Variants in SLC6A9 observed in about 807,000 individuals in gnomAD.
The protein encoded by SLC6A9 is sodium- and chloride-dependent glycine transporter 1.
A neutral mutation model predicts 70.9 loss-of-function variants in SLC6A9; 31 were observed. The observed-to-expected ratio is 0.44, with a 90% confidence interval of 0.33 to 0.59. The LOEUF is 0.59. SLC6A9 is among the 20% of genes least tolerant of loss of function. The pLI, the probability that SLC6A9 is intolerant of heterozygous loss-of-function variation, is 0.04. For synonymous variants in SLC6A9, 310 were observed against 341.3 expected (o/e 0.91, Z 1.01); for missense variants, 631 against 845.2 (o/e 0.75, Z 3.14).
At position 44,000,819 on chromosome 1, in the gene SLC6A9, G is replaced by T. The variant is rs201011459; in HGVS notation, c.1484C>A (p.Pro495Gln). 6.8e-6 allele frequency: 11 copies of T among 1,612,310 alleles called. No homozygotes were observed. Among genetic ancestry groups the T allele is most frequent in the Non-Finnish European group, 9.3e-6 (11 of 1,179,172 alleles). ...QDIQMMLGFP[P>Q]PLFFQICWRF... ...CCAGCAGATCTGAAAGAAGAGGGGT[G>T]GTGGGAATCCCAGCATCATCTGGAT... Residue 495 changes from proline (P) to glutamine (Q), a missense_variant, in exon 12 of 14, where the codon CCA becomes CAA. By Grantham distance (76) the Pro-to-Gln change is moderately conservative. Transcript: ENST00000372310.
At chr1:44,009,762 C>T (rs1025723373) in intron 4 of SLC6A9, among the ~76,000 whole-genome samples, 12 of 152,156 alleles carry the variant, frequency 7.9e-5, no homozygotes, top group African/African-American at 2.2e-4. Flanking sequence ...TGTGTGTACA[C>T]GTGGTAGGAG....
At position 43,996,990 on chromosome 1, in the gene SLC6A9, A is replaced by C. The variant is rs2085886033; in HGVS notation, c.*555T>G. The C allele has an allele frequency of 6.5e-6, 1 of 154,906 alleles. No individual in the cohort carries two copies. The highest frequency in any genetic ancestry group is 6.5e-5 in the Admixed American group (1 of 15,296). 9.6% of individuals were successfully genotyped at this position (154,906 alleles called of 1,614,324 possible). ...AGGCCTGGAAGACAGACTGAACCCG[A>C]GGCTGGGGGCGAGGAGGTGGCGACC... On this transcript the variant is annotated 3_prime_UTR_variant, in exon 14 of 14. Coordinates refer to ENST00000372310, the MANE Select transcript of SLC6A9 (RefSeq NM_001024845.3).
chr1:44,026,167 C>T (rs2086979736), intron 1 of SLC6A9, among the ~76,000 whole-genome samples: 1 of 152,248 alleles, frequency 6.6e-6, no homozygotes, highest in African/African-American at 2.4e-5. Flanking sequence ...GGTTCCTGCT[C>T]ATGGCTTTGG....
intron 2 of SLC6A9, among the ~76,000 whole-genome samples, chr1:44,011,288 G>A (rs965414176): frequency 3.3e-5 from 5 of 152,208 alleles, no homozygotes; most frequent in Admixed American, 2.0e-4. Flanking sequence ...GCACAAAGGG[G>A]CCTGTGTCCA....
rs568647726 is a variant in SLC6A9 at position 44,023,838 on chromosome 1, A to T, written c.30+410T>A. ...GGCCTCAGGAGAGGATTCAAAACAAAATGTTCTTTGTTACTTTTCAGACTG... is the reference window on the plus strand; with the variant it reads ...GGCCTCAGGAGAGGATTCAAAACAATATGTTCTTTGTTACTTTTCAGACTG... On this transcript the variant is annotated intron_variant, in intron 2 of 13. Transcript: ENST00000372310. 3.3e-5 allele frequency among the ~76,000 whole-genome samples: 5 copies of T among 152,112 alleles called. No individual in the cohort carries two copies. In the South Asian group the frequency reaches 1.0e-3, roughly 32 times the overall value.
In SLC6A9 at chr1:44,031,345, C is replaced by T. The variant is rs1487073878; in HGVS notation, c.-125G>A. The stretch of plus-strand genomic sequence containing the variant: ...CGGCCCAGGCGTGCTGGGTCCGCAC[C>T]GCGGTGCGCCCAGGTGGCTTTCTTA... On this transcript the variant is annotated 5_prime_UTR_variant, in exon 1 of 14. Coordinates refer to ENST00000372310, the MANE Select transcript of SLC6A9 (RefSeq NM_001024845.3). 1 of 152,150 alleles carries T rather than the reference C, an allele frequency of 6.6e-6. No individual in the cohort carries two copies. Among genetic ancestry groups the T allele is most frequent in the African/African-American group, 2.4e-5 (1 of 41,442 alleles). 9.4% of individuals were successfully genotyped at this position (152,150 alleles called of 1,614,324 possible). A position where few individuals can be genotyped will look rare whatever the true frequency, so the allele number is the denominator to read the frequency against.
At chr1:44,004,362 T>C (rs2086236134) in intron 5 of SLC6A9, among the ~76,000 whole-genome samples, 1 of 151,966 alleles carries the variant, frequency 6.6e-6, no homozygotes, top group Non-Finnish European at 1.5e-5. Flanking sequence ...ATTATTATTA[T>C]TGAGACAGGG....
chr1:44,001,117 C>T, intron 10 of SLC6A9, 47 bp downstream of exon 10: 1 of 1,613,434 alleles, frequency 6.2e-7, no homozygotes, highest in Non-Finnish European at 8.5e-7. Flanking sequence ...CCCTTCCCTG[C>T]ACGTCCTGGC....
chr1:44,027,051 C>T (rs1369652312), intron 1 of SLC6A9, among the ~76,000 whole-genome samples: 1 of 152,202 alleles, frequency 6.6e-6, no homozygotes, highest in African/African-American at 2.4e-5. Context: ...ATTCCTGTTA[C>T]ATGGTCCCAT....
At position 44,001,389 on chromosome 1, in the gene SLC6A9, C is replaced by A. The variant is rs2086099211; in HGVS notation, c.1200+1G>T. 1.2e-6 allele frequency: 2 copies of A among 1,612,106 alleles called. No homozygotes were observed. The highest frequency in any genetic ancestry group is 8.5e-7 in the Non-Finnish European group (1 of 1,178,642). On this transcript the variant is annotated splice_donor_variant, in intron 9 of 13. Transcript: ENST00000372310. LOFTEE classifies it high-confidence loss of function. ...TCCGGTCCACGTCCTGCACCTCGTA[C>A]CTGAGTGCCCAGCCCCAGCAGGATA...
At chr1:44,022,718 C>CTTTTTTTTTTT (rs777966364) in intron 2 of SLC6A9, among the ~76,000 whole-genome samples, 2 of 59,942 alleles carry the variant, frequency 3.3e-5, no homozygotes, top group African/African-American at 1.5e-4. Context: ...TTCTTTCTTT[C>CTTTTTTTTTTT]TTTCTTTTTT....
At chr1:43,998,087 C>T in intron 12 of SLC6A9, 62 bp from the exon 13 acceptor site, 1 of 1,452,904 alleles carries the variant, frequency 6.9e-7, no homozygotes, top group Non-Finnish European at 9.4e-7. Flanking sequence ...CCCAGGCCAT[C>T]CCTCTACCAG....
chr1:44,004,423 G>T (rs1270260681), intron 5 of SLC6A9, among the ~76,000 whole-genome samples: 2 of 152,118 alleles, frequency 1.3e-5, no homozygotes, highest in African/African-American at 4.8e-5. Flanking sequence ...ATGGCTCACT[G>T]CAGCCTCGAC....
intron 2 of SLC6A9, chr1:44,017,285 G>T: frequency 6.8e-7 from 1 of 1,469,200 alleles, no homozygotes; most frequent in Non-Finnish European, 8.9e-7. Flanking sequence ...TCCCCATGCA[G>T]CCCAGCACGG....
intron 2 of SLC6A9, among the ~76,000 whole-genome samples, chr1:44,014,437 G>A (rs897589032): frequency 7.9e-5 from 12 of 151,750 alleles, no homozygotes; most frequent in Non-Finnish European, 1.6e-4. Flanking sequence ...GGGTGAGCTG[G>A]CTGACACATA....
At position 44,008,641 on chromosome 1, in the gene SLC6A9, TG is replaced by T. The variant is rs746088006; in HGVS notation, c.320-19del. On this transcript the variant is annotated intron_variant, in intron 4 of 13. Transcript: ENST00000372310. ...GCCCACTCCTGCAGGAGGGGAGGGGTGGGGGGAGGAGCCTCAGCATCCAGCA... is the reference window on the plus strand; with the variant it reads ...GCCCACTCCTGCAGGAGGGGAGGGGTGGGGGAGGAGCCTCAGCATCCAGCA... The T allele has an allele frequency of 4.4e-6, 7 of 1,606,930 alleles. No homozygotes were observed. The highest frequency in any genetic ancestry group is 1.1e-5 in the South Asian group (1 of 90,874).
At chr1:44,029,736 G>A (rs1199788640) in intron 1 of SLC6A9, among the ~76,000 whole-genome samples, 1 of 152,182 alleles carries the variant, frequency 6.6e-6, no homozygotes, top group African/African-American at 2.4e-5. Context: ...GCCGGGAACT[G>A]AGCAGGTACA....
chr1:44,029,947 T>C (rs2087063314), intron 1 of SLC6A9, among the ~76,000 whole-genome samples: 2 of 152,194 alleles, frequency 1.3e-5, no homozygotes, highest in Non-Finnish European at 2.9e-5. Flanking sequence ...CCTGCAGCCT[T>C]TATTTCCCAA....
intron 2 of SLC6A9, among the ~76,000 whole-genome samples, chr1:44,017,594 C>T (rs1362715422): frequency 3.9e-5 from 6 of 152,198 alleles, no homozygotes; most frequent in Non-Finnish European, 7.3e-5. Flanking sequence ...GCACAGTCCA[C>T]AGGGCACCAC....
Sources: allele counts gnomAD v4.1 joint callset (sites outside exome capture counted in the v4.1 genomes callset), GRCh38; gene constraint gnomAD v4.1.1; transcripts MANE v1.5; gene names NCBI Gene and HGNC (gene_info 2026-07-23, HGNC 2026-07-21).